Variants in SCFD1 observed in about 807,000 individuals in gnomAD.
The protein encoded by SCFD1 is sec1 family domain containing 1.
In SCFD1, 37 loss-of-function variants were observed where a neutral mutation model predicts 103.2. That is an observed-to-expected ratio of 0.36 (90% CI 0.28 to 0.47). The LOEUF (loss-of-function observed/expected upper bound fraction) is 0.47, where lower values mean the gene tolerates loss of function less well. SCFD1 is among the 20% of genes least tolerant of loss of function. The pLI is 1.00. For synonymous variants in SCFD1, 264 were observed against 245.0 expected, an observed-to-expected ratio of 1.08 and a Z score of -0.73; for missense variants, 639 against 761.2, an observed-to-expected ratio of 0.84 and a Z score of 1.89.
chr14:30,671,835 C>T (rs938371678), intron 11 of SCFD1, among the ~76,000 whole-genome samples: 7 of 151,988 alleles, frequency 4.6e-5, no homozygotes, highest in African/African-American at 1.7e-4. Context: ...ATCCAGCTTT[C>T]GTTGGTAAAG....
At chr14:30,722,060 A>C in intron 22 of SCFD1, 143 bp downstream of exon 22, 1 of 582,498 alleles carries the variant, frequency 1.7e-6, no homozygotes, top group Non-Finnish European at 3.0e-6. Flanking sequence ...CTAATTTATA[A>C]AGCTGCTTAT....
chr14:30,730,045 TC>T (rs1248754067), intron 23 of SCFD1, among the ~76,000 whole-genome samples: 1 of 152,200 alleles, frequency 6.6e-6, no homozygotes, highest in East Asian at 1.9e-4. Context: ...TGTGTGATGT[TC>T]CCCTTCCTGT....
chr14:30,715,872 G>A, intron 19 of SCFD1, 52 bp from the exon 20 acceptor site: 1 of 981,678 alleles, frequency 1.0e-6, no homozygotes, highest in Non-Finnish European at 1.6e-6. Flanking sequence ...TGTTTTAATA[G>A]AGAAGAACTT....
chr14:30,714,356 G>A (rs532778886), intron 19 of SCFD1, among the ~76,000 whole-genome samples: 1,906 of 117,570 alleles, frequency 0.016, 20 homozygotes, highest in Admixed American at 0.023. Flanking sequence ...GCGAGACTCC[G>A]TCTCAAAAAA....
intron 1 of SCFD1, 146 bp from the exon 2 acceptor site, chr14:30,628,063 C>A: frequency 1.8e-6 from 1 of 554,572 alleles, no homozygotes; most frequent in South Asian, 2.2e-5. Flanking sequence ...AAGATCTGAC[C>A]CCTAGTTCTA....
At chr14:30,660,404 A>G (rs551842817) in intron 10 of SCFD1, among the ~76,000 whole-genome samples, 2 of 152,314 alleles carry the variant, frequency 1.3e-5, no homozygotes, top group East Asian at 3.9e-4. Context: ...CAGGAGGTAC[A>G]TAATGTCTGT....
intron 14 of SCFD1, 149 bp downstream of exon 14, chr14:30,675,214 T>G: frequency 4.5e-6 from 2 of 442,230 alleles, no homozygotes; most frequent in Non-Finnish European, 8.2e-6. Context: ...TAGTTATTTT[T>G]TTGCAAATAA....
chr14:30,674,116 CTT>C (rs1469352544), intron 13 of SCFD1, 119 bp downstream of exon 13: 2 of 672,644 alleles, frequency 3.0e-6, no homozygotes, highest in Admixed American at 5.7e-5. Context: ...GCAAATATAA[CTT>C]TGAATTTAAA....
At chr14:30,647,028 T>A (rs1217342848) in intron 7 of SCFD1, among the ~76,000 whole-genome samples, 1 of 152,138 alleles carries the variant, frequency 6.6e-6, no homozygotes, top group African/African-American at 2.4e-5. Context: ...TAACTAGTGG[T>A]CTACCTATCT....
At chr14:30,640,094 C>A (rs1039892790) in intron 6 of SCFD1, among the ~76,000 whole-genome samples, 40 of 152,236 alleles carry the variant, frequency 2.6e-4, no homozygotes, top group African/African-American at 8.7e-4. Flanking sequence ...ATTCTCTGAC[C>A]TTTTCTATAC....
At chr14:30,734,286 A>G (rs1403128952) in intron 23 of SCFD1, among the ~76,000 whole-genome samples, 2 of 152,216 alleles carry the variant, frequency 1.3e-5, no homozygotes, top group African/African-American at 4.8e-5. Context: ...GGGTTCCAAC[A>G]TTGTAACTGT....
chr14:30,660,102 C>T (rs1366403772), intron 10 of SCFD1, among the ~76,000 whole-genome samples: 1 of 152,122 alleles, frequency 6.6e-6, no homozygotes, highest in Non-Finnish European at 1.5e-5. Context: ...TTACAGTTGG[C>T]TTGTTCAAAT....
At chr14:30,681,965 G>GTA (rs1381216464) in intron 14 of SCFD1, among the ~76,000 whole-genome samples, 16 of 152,148 alleles carry the variant, frequency 1.1e-4, no homozygotes, top group Non-Finnish European at 1.6e-4. Context: ...ATGGTTCCCT[G>GTA]TATATGTCCT....
Position 30,734,654 on chromosome 14 carries a change from TA to T in SCFD1, c.1837-135del, listed in dbSNP as rs1220486316. 10 of 674,414 alleles carry T rather than the reference TA, an allele frequency of 1.5e-5. No individual in the cohort carries two copies. In the African/African-American group the frequency reaches 1.6e-4, roughly 11 times the overall value. 41.8% of individuals were successfully genotyped at this position (674,414 alleles called of 1,614,324 possible). A position where few individuals can be genotyped will look rare whatever the true frequency, so the allele number is the denominator to read the frequency against. On this transcript the variant is annotated intron_variant, in intron 23 of 24. Coordinates refer to ENST00000458591, the MANE Select transcript of SCFD1 (RefSeq NM_016106.4). Reference sequence around the variant, plus strand: ...TTTCATGCAATTTTAGGTAGATGTGTATACTAAAATCCAACAGTATCCCAAA... The same window carrying T: ...TTTCATGCAATTTTAGGTAGATGTGTTACTAAAATCCAACAGTATCCCAAA...
In SCFD1 at chr14:30,640,008, G is replaced by A. The variant is rs1885111368; in HGVS notation, c.523+144G>A. ...TAGAAGCTTTTTAAAAGCACACAGA[G>A]AAAACAAGGCTCAGACTGAATTTTA... is the stretch of plus-strand genomic sequence containing the variant. On this transcript the variant is annotated intron_variant, in intron 6 of 24. Transcript: ENST00000458591. 5 of 965,794 alleles carry A rather than the reference G, an allele frequency of 5.2e-6. No homozygotes were observed. The South Asian group carries it at 5.4e-5, about 10-fold the overall frequency. The allele number at this position is 965,794 out of a possible 1,614,324, so 59.8% of individuals were successfully genotyped here.
chr14:30,667,033 G>A (rs1056188853), intron 10 of SCFD1, among the ~76,000 whole-genome samples: 15 of 152,250 alleles, frequency 9.9e-5, no homozygotes, highest in Non-Finnish European at 1.8e-4. Flanking sequence ...GAAGAAGAGG[G>A]AATCCTCCCT....
chr14:30,666,986 G>A (rs1298018191), intron 10 of SCFD1, among the ~76,000 whole-genome samples: 1 of 152,084 alleles, frequency 6.6e-6, no homozygotes, highest in African/African-American at 2.4e-5. Context: ...ACAAAGAGAA[G>A]CTGGTACCAT....
chr14:30,650,696 A>G, intron 9 of SCFD1, 46 bp downstream of exon 9: 2 of 1,181,578 alleles, frequency 1.7e-6, no homozygotes, highest in Admixed American at 2.1e-5. Context: ...AAATATTTGT[A>G]GAGTTTTTTT....
chr14:30,665,332 A>G (rs1887844861), intron 10 of SCFD1, among the ~76,000 whole-genome samples: 1 of 152,220 alleles, frequency 6.6e-6, no homozygotes, highest in Non-Finnish European at 1.5e-5. Context: ...CTTTACAGAC[A>G]AGCAAATGCT....
Sources: gnomAD v4.1 joint callset for allele counts (sites outside exome capture counted in the v4.1 genomes callset) on GRCh38, gnomAD v4.1.1 for gene constraint, MANE v1.5 for transcripts, NCBI Gene and HGNC (gene_info 2026-07-23, HGNC 2026-07-21) for gene names.